The following ZBTB20 variants were observed in gnomAD, a reference collection of about 807,000 sequenced individuals.
ZBTB20 encodes zinc finger and BTB domain-containing protein 20.
ZBTB20 carries 9 observed loss-of-function variants against 56.9 expected under a neutral mutation model. The observed-to-expected ratio is 0.16, with a 90% confidence interval of 0.10 to 0.28. ZBTB20 has a LOEUF of 0.28. Ranked by LOEUF, ZBTB20 falls within the 10% of genes least tolerant of loss-of-function variation. The pLI is 1.00. For synonymous variants in ZBTB20, 417 were observed against 420.7 expected (o/e 0.99, Z 0.11); for missense variants, 655 against 1,003.0 (o/e 0.65, Z 4.69).
intron 6 of ZBTB20, among the ~76,000 whole-genome samples, chr3:114,673,910 T>G (rs961346917): frequency 2.6e-5 from 4 of 152,124 alleles, no homozygotes; most frequent in Non-Finnish European, 5.9e-5. Context: ...TTTGAATCGG[T>G]TGCTTACAAT....
intron 2 of ZBTB20, chr3:115,027,613 T>C (rs781308591): frequency 9.3e-5 from 14 of 150,956 alleles, no homozygotes; most frequent in Non-Finnish European, 1.6e-4. Context: ...CTTCACAAAA[T>C]ATTCTGTAAA....
chr3:114,613,360 T>C (rs1445418519), intron 6 of ZBTB20, among the ~76,000 whole-genome samples: 2 of 152,188 alleles, frequency 1.3e-5, no homozygotes, highest in Admixed American at 6.5e-5. Context: ...AAGCTGGAAA[T>C]AGAAGGAAAC....
intron 6 of ZBTB20, among the ~76,000 whole-genome samples, chr3:114,593,384 CTTTTTTT>C (rs201568736): frequency 0.019 from 2,488 of 133,476 alleles, 190 homozygotes; most frequent in Admixed American, 0.14. Context: ...TTTTTCTTTT[CTTTTTTT>C]TTTTTTTTTT....
At chr3:114,800,750 A>AAAAAT (rs149193013) in intron 5 of ZBTB20, among the ~76,000 whole-genome samples, 8,672 of 142,226 alleles carry the variant, frequency 0.061, 877 homozygotes, top group African/African-American at 0.2. Flanking sequence ...TGAGACTAGT[A>AAAAAT]AAAATAAAAT....
At chr3:114,948,814 AAAG>A (rs1156884087) in intron 3 of ZBTB20, among the ~76,000 whole-genome samples, 1 of 146,464 alleles carries the variant, frequency 6.8e-6, no homozygotes, top group Non-Finnish European at 1.5e-5. Context: ...ATTACTGATT[AAAG>A]AAGAATAAAA....
At chr3:115,138,376 T>C (rs2084711104) in intron 1 of ZBTB20, among the ~76,000 whole-genome samples, 1 of 152,086 alleles carries the variant, frequency 6.6e-6, no homozygotes, top group African/African-American at 2.4e-5. Flanking sequence ...AATTCTAGAC[T>C]GAAGAGTTAT....
chr3:114,405,357 C>T (rs573493770), intron 7 of ZBTB20, among the ~76,000 whole-genome samples: 26 of 152,088 alleles, frequency 1.7e-4, no homozygotes, highest in Non-Finnish European at 3.1e-4. Flanking sequence ...ATGGCGAAGA[C>T]ATAGGAATGT....
intron 2 of ZBTB20, among the ~76,000 whole-genome samples, chr3:115,044,740 A>G (rs1460534794): frequency 6.6e-6 from 1 of 152,250 alleles, no homozygotes; most frequent in Non-Finnish European, 1.5e-5. Flanking sequence ...CTGTTTAACA[A>G]AGTTATCGAG....
chr3:114,911,268 C>T (rs910190877), intron 3 of ZBTB20, among the ~76,000 whole-genome samples: 1 of 151,908 alleles, frequency 6.6e-6, no homozygotes, highest in African/African-American at 2.4e-5. Context: ...CAGCTTCAGA[C>T]ATGGAAATAG....
intron 1 of ZBTB20, among the ~76,000 whole-genome samples, chr3:115,116,778 A>C (rs775884245): frequency 2.2e-4 from 34 of 152,048 alleles, no homozygotes; most frequent in Admixed American, 3.9e-4. Flanking sequence ...AACTGTTCAA[A>C]ATAAGCAATA....
At chr3:114,593,425 C>T (rs2055994784) in intron 6 of ZBTB20, among the ~76,000 whole-genome samples, 1 of 144,704 alleles carries the variant, frequency 6.9e-6, no homozygotes, top group Non-Finnish European at 1.5e-5. Context: ...GCTCTTGTGG[C>T]CCAGGCTGGA....
chr3:114,588,492 G>A (rs17617833), intron 6 of ZBTB20, among the ~76,000 whole-genome samples: 21,608 of 152,168 alleles, frequency 0.14, 1,823 homozygotes, highest in Admixed American at 0.25. Context: ...CTCTTTTAGT[G>A]TATGCTCAGA....
At chr3:115,042,110 T>C (rs986088862) in intron 2 of ZBTB20, among the ~76,000 whole-genome samples, 7 of 151,842 alleles carry the variant, frequency 4.6e-5, no homozygotes, top group Non-Finnish European at 1.0e-4. Context: ...GACCATGCCA[T>C]TTTAGCATTA....
chr3:114,413,798 G>A (rs2088231455), intron 7 of ZBTB20, among the ~76,000 whole-genome samples: 1 of 152,120 alleles, frequency 6.6e-6, no homozygotes, highest in African/African-American at 2.4e-5. Context: ...GATCAGGGAA[G>A]TTCAGAGACG....
At chr3:114,963,964 T>C (rs1161006300) in intron 3 of ZBTB20, among the ~76,000 whole-genome samples, 1 of 152,194 alleles carries the variant, frequency 6.6e-6, no homozygotes, top group Non-Finnish European at 1.5e-5. Flanking sequence ...AAATTATGTA[T>C]ACAACTGACC....
intron 7 of ZBTB20, among the ~76,000 whole-genome samples, chr3:114,421,764 G>A (rs1015103947): frequency 6.6e-6 from 1 of 151,696 alleles, no homozygotes; most frequent in African/African-American, 2.4e-5. Flanking sequence ...TAATTTCCTG[G>A]TGAAGGAAAA....
intron 2 of ZBTB20, among the ~76,000 whole-genome samples, chr3:114,996,359 C>A (rs1359101875): frequency 6.6e-6 from 1 of 151,572 alleles, no homozygotes; most frequent in Non-Finnish European, 1.5e-5. Context: ...CCTCCCCTAG[C>A]CTCCCACCCC....
intron 2 of ZBTB20, among the ~76,000 whole-genome samples, chr3:114,979,391 T>A (rs1302193637): frequency 6.6e-6 from 1 of 151,994 alleles, no homozygotes; most frequent in African/African-American, 2.4e-5. Flanking sequence ...AAGCAAATTT[T>A]AAGTAGCTAT....
intron 6 of ZBTB20, among the ~76,000 whole-genome samples, chr3:114,626,418 T>G (rs1213549707): frequency 6.6e-6 from 1 of 152,176 alleles, no homozygotes; most frequent in African/African-American, 2.4e-5. Context: ...ATGGTGAACA[T>G]TCAGTAAATT....
Sources: gnomAD v4.1 joint callset for allele counts (sites outside exome capture counted in the v4.1 genomes callset) on GRCh38, gnomAD v4.1.1 for gene constraint, MANE v1.5 for transcripts, NCBI Gene and HGNC (gene_info 2026-07-23, HGNC 2026-07-21) for gene names.